Variants in KCTD20 observed in about 807,000 individuals in gnomAD.
The protein encoded by KCTD20 is potassium channel tetramerization domain containing 20, also known as BTB/POZ domain-containing protein KCTD20.
KCTD20 carries 30 observed loss-of-function variants against 39.6 expected under a neutral mutation model. The observed-to-expected ratio is 0.76, with a 90% CI of 0.57 to 1.03. The LOEUF is 1.03. KCTD20 is among the 50% of genes least tolerant of loss of function. KCTD20 has a pLI of 0.00. For synonymous variants in KCTD20, 162 were observed against 180.6 expected, an observed-to-expected ratio of 0.90 and a Z score of 0.83; for missense variants, 422 against 522.0, an observed-to-expected ratio of 0.81 and a Z score of 1.87.
At chr6:36,467,260 AT>A (rs1254914694) in intron 1 of KCTD20, among the ~76,000 whole-genome samples, 24 of 134,168 alleles carry the variant, frequency 1.8e-4, no homozygotes, top group African/African-American at 6.3e-4. Flanking sequence ...GTGAGCTGAG[AT>A]GGTGCCATTG....
intron 1 of KCTD20, among the ~76,000 whole-genome samples, chr6:36,452,186 T>C (rs1775277272): frequency 6.6e-6 from 1 of 152,202 alleles, no homozygotes; most frequent in Admixed American, 6.5e-5. Flanking sequence ...TATTATCCTT[T>C]TTTATGTGGC....
intron 1 of KCTD20, among the ~76,000 whole-genome samples, chr6:36,459,102 A>G (rs1775526379): frequency 1.3e-5 from 2 of 152,234 alleles, no homozygotes; most frequent in African/African-American, 4.8e-5. Flanking sequence ...TATCAAGGTC[A>G]AGAGTTTGAG....
intron 1 of KCTD20, among the ~76,000 whole-genome samples, chr6:36,455,594 A>AGTGT (rs71737281): frequency 0.029 from 4,375 of 150,432 alleles, 177 homozygotes; most frequent in African/African-American, 0.091. Context: ...TAGAACCAGT[A>AGTGT]GTGTGTGTGT....
rs1776162384 is a variant in KCTD20, at chr6:36,479,219, T to G, written c.533T>G (p.Val178Gly). ...ATCAGTGCAACTGTATTTCGCACAG[T>G]GCTGGTGTGTGGTAGCCTTTTTTGT... ...EGISATVFRT[V>G]LDYYKTGIIN... The change falls in exon 4 of 8, where the codon GTG becomes GGG. Residue 178 changes from valine to glycine, a missense_variant. Val to Gly is a moderately radical substitution (Grantham distance 109, BLOSUM62 -3). Transcript: ENST00000373731. 1 of 1,608,434 alleles carries G rather than the reference T, an allele frequency of 6.2e-7. No individual in the cohort carries two copies. The highest frequency in any genetic ancestry group is 8.5e-7 in the Non-Finnish European group (1 of 1,175,976).
At chr6:36,481,884 A>T in intron 6 of KCTD20, 125 bp downstream of exon 6, 1 of 776,934 alleles carries the variant, frequency 1.3e-6, no homozygotes. Flanking sequence ...CACCTGGATG[A>T]CAAATCCCTA....
intron 1 of KCTD20, among the ~76,000 whole-genome samples, chr6:36,468,371 A>T (rs1308286645): frequency 1.3e-5 from 2 of 152,204 alleles, no homozygotes; most frequent in Admixed American, 6.5e-5. Context: ...AGTCTAGTCC[A>T]TACAAGTTCT....
At chr6:36,457,635 G>A (rs1775478539) in intron 1 of KCTD20, among the ~76,000 whole-genome samples, 2 of 152,094 alleles carry the variant, frequency 1.3e-5, no homozygotes, top group South Asian at 4.1e-4. Context: ...GATTGCTTGA[G>A]CCCAGGAGTT....
At chr6:36,456,394 TCAGACTCC>T (rs908935455) in intron 1 of KCTD20, among the ~76,000 whole-genome samples, 6 of 152,128 alleles carry the variant, frequency 3.9e-5, no homozygotes, top group African/African-American at 1.4e-4. Context: ...TTCTCCTGCC[TCAGACTCC>T]CAAGTAGCCA....
intron 1 of KCTD20, among the ~76,000 whole-genome samples, chr6:36,456,836 AAAAGAGATGGT>A (rs940395772): frequency 2.6e-5 from 4 of 151,990 alleles, no homozygotes; most frequent in Non-Finnish European, 4.4e-5. Flanking sequence ...ACGTCTGGAA[AAAAGAGATGGT>A]AAAGAGATGG....
At position 36,462,726 on chromosome 6, in the gene KCTD20, T is replaced by C. The variant is rs528444642; in HGVS notation, c.-46-7326T>C. On this transcript the variant is annotated intron_variant, in intron 1 of 7. Coordinates refer to ENST00000373731, the MANE Select transcript of KCTD20 (RefSeq NM_173562.5). ...CTCAACAACTAGATTGTAAGCTCTT[T>C]GAAGGTAAGCAAGACTGTGTCTTAG... Among the ~76,000 whole-genome samples the C allele has an allele frequency of 2.0e-5, 3 of 152,366 alleles. No individual in the cohort carries two copies. In the South Asian group the frequency reaches 6.2e-4, roughly 32 times the overall value.
Position 36,484,897 on chromosome 6 carries a change from A to G in KCTD20, c.967+73A>G, listed in dbSNP as rs920658906. 1.6e-5 allele frequency: 13 copies of G among 831,340 alleles called. No homozygotes were observed. The African/African-American group carries it at 2.2e-4, about 14-fold the overall frequency. The allele number at this position is 831,340 out of a possible 1,614,324, so 51.5% of individuals were successfully genotyped here. A position where few individuals can be genotyped will look rare whatever the true frequency, so the allele number is the denominator to read the frequency against. ...GCCACAGCTTACATCCTCAAAATTT[A>G]GCCTCCAGAGGCCTAGAAAATAGGC... On this transcript the variant is annotated intron_variant, in intron 7 of 7. Coordinates refer to ENST00000373731, the MANE Select transcript of KCTD20 (RefSeq NM_173562.5).
intron 1 of KCTD20, among the ~76,000 whole-genome samples, chr6:36,459,312 A>G (rs1164392745): frequency 2.0e-5 from 3 of 152,170 alleles, no homozygotes; most frequent in Admixed American, 6.5e-5. Flanking sequence ...CTCCGTCTCA[A>G]AAAAAAAGAA....
chr6:36,478,026 C>T (rs1371585124), intron 3 of KCTD20, among the ~76,000 whole-genome samples: 6 of 147,464 alleles, frequency 4.1e-5, no homozygotes, highest in Admixed American at 6.8e-5. Context: ...ACCTGGGAGG[C>T]GGAGGTTGCA....
intron 4 of KCTD20, 115 bp downstream of exon 4, chr6:36,479,338 T>C: frequency 1.3e-6 from 1 of 795,790 alleles, no homozygotes. Context: ...TCCAGTTGTT[T>C]CCTTTCTCCC....
At chr6:36,468,881 T>G (rs1008307030) in intron 1 of KCTD20, among the ~76,000 whole-genome samples, 3 of 152,168 alleles carry the variant, frequency 2.0e-5, no homozygotes, top group African/African-American at 7.2e-5. Context: ...CCTCTATCCA[T>G]CCTATCAAAG....
chr6:36,449,200 C>T (rs1457135215), intron 1 of KCTD20, among the ~76,000 whole-genome samples: 1 of 152,180 alleles, frequency 6.6e-6, no homozygotes. Flanking sequence ...CTGATTGGTC[C>T]ATTTTACAGA....
intron 7 of KCTD20, among the ~76,000 whole-genome samples, chr6:36,486,397 ACT>A (rs1776425054): frequency 6.6e-6 from 1 of 152,116 alleles, no homozygotes; most frequent in African/African-American, 2.4e-5. Context: ...AGCTACTTTG[ACT>A]ATTTTTCCCA....
intron 1 of KCTD20, among the ~76,000 whole-genome samples, chr6:36,458,333 G>C (rs1775498183): frequency 6.6e-6 from 1 of 151,878 alleles, no homozygotes; most frequent in Non-Finnish European, 1.5e-5. Flanking sequence ...GAGGTCGAGA[G>C]TTTGAGACCA....
intron 2 of KCTD20, 98 bp from the exon 3 acceptor site, chr6:36,474,691 T>G (rs1462408813): frequency 1.6e-5 from 19 of 1,166,328 alleles, no homozygotes; most frequent in East Asian, 5.2e-5. Flanking sequence ...AATTTGGGGG[T>G]TTTTTGTTTG....
Sources: allele counts gnomAD v4.1 joint callset (sites outside exome capture counted in the v4.1 genomes callset), GRCh38; gene constraint gnomAD v4.1.1; transcripts MANE v1.5; gene names NCBI Gene and HGNC (gene_info 2026-07-23, HGNC 2026-07-21).